Variants in WDR7 observed in about 807,000 individuals in gnomAD.
WDR7 encodes WD repeat domain 7.
WDR7 carries 46 observed loss-of-function variants against 169.4 expected under a neutral mutation model. The ratio of observed to expected loss-of-function variants is 0.27; its 90% CI spans 0.21 to 0.35. The LOEUF is 0.35. Ranked by LOEUF, WDR7 falls within the 10% of genes least tolerant of loss-of-function variation. WDR7 has a pLI of 1.00. For missense variants in WDR7, 1,534 were observed against 1,859.3 expected, an observed-to-expected ratio of 0.83 and a Z score of 3.22; for synonymous variants, 612 against 666.8, an observed-to-expected ratio of 0.92 and a Z score of 1.27.
At chr18:56,728,565 T>C (rs1296373840) in intron 13 of WDR7, among the ~76,000 whole-genome samples, 2 of 152,206 alleles carry the variant, frequency 1.3e-5, no homozygotes, top group Non-Finnish European at 2.9e-5. Context: ...TCTCCCCTTT[T>C]GGGATCTAGC....
chr18:56,992,515 C>T (rs1272004301), intron 26 of WDR7, among the ~76,000 whole-genome samples: 10 of 151,876 alleles, frequency 6.6e-5, no homozygotes, highest in Non-Finnish European at 1.3e-4. Flanking sequence ...TGAATTTTGG[C>T]CAAAAGTAGA....
intron 14 of WDR7, among the ~76,000 whole-genome samples, chr18:56,751,553 C>G (rs1397788992): frequency 6.6e-6 from 1 of 152,060 alleles, no homozygotes; most frequent in African/African-American, 2.4e-5. Context: ...TCCTTCATAC[C>G]CAGTGTCAGG....
intron 14 of WDR7, among the ~76,000 whole-genome samples, chr18:56,739,898 A>G (rs1326513993): frequency 2.2e-5 from 2 of 89,982 alleles, no homozygotes; most frequent in Non-Finnish European, 5.2e-5. Flanking sequence ...TTTTGTATTT[A>G]TACTGCTTGG....
intron 20 of WDR7, among the ~76,000 whole-genome samples, chr18:56,876,351 G>A (rs1021565452): frequency 1.3e-5 from 2 of 152,006 alleles, no homozygotes; most frequent in Non-Finnish European, 2.9e-5. Context: ...AGATGGCTCC[G>A]GGAGTTCACT....
rs556680550 is a variant in WDR7, at chr18:56,695,238, A to G, written c.1357+40A>G. ...TCCGTATGTCTAAAGTGTTTTGACA[A>G]CTCTTACCCAGAGAGTGAAAATGTC... On this transcript the variant is annotated intron_variant, in intron 11 of 27. Coordinates refer to ENST00000254442, the MANE Select transcript of WDR7 (RefSeq NM_015285.3). 24 of 1,582,562 alleles carry G rather than the reference A, an allele frequency of 1.5e-5. No homozygotes were observed. The African/African-American group carries it at 2.8e-4, about 19-fold the overall frequency.
At chr18:56,917,422 T>C (rs1157828221) in intron 21 of WDR7, among the ~76,000 whole-genome samples, 1 of 152,228 alleles carries the variant, frequency 6.6e-6, no homozygotes, top group Non-Finnish European at 1.5e-5. Context: ...TGTTTTCCTA[T>C]AACAGGCATT....
intron 13 of WDR7, among the ~76,000 whole-genome samples, chr18:56,726,946 A>G (rs1271288316): frequency 1.3e-5 from 2 of 152,118 alleles, no homozygotes; most frequent in African/African-American, 2.4e-5. Flanking sequence ...CACAGTAATC[A>G]GTACTCTGCC....
At chr18:56,651,630 C>CA (rs2024655860) in intron 1 of WDR7, 54 bp downstream of exon 1, 2 of 152,446 alleles carry the variant, frequency 1.3e-5, no homozygotes, top group African/African-American at 4.8e-5. Context: ...GATGTTCCTG[C>CA]ACCGTGGAGG....
At chr18:56,729,273 ATTTAC>A in intron 13 of WDR7, among the ~76,000 whole-genome samples, 1 of 152,300 alleles carries the variant, frequency 6.6e-6, no homozygotes, top group African/African-American at 2.4e-5. Flanking sequence ...ATTAACTTTA[ATTTAC>A]TTAAAATAAT....
chr18:57,022,876 A>G (rs1027056706), intron 27 of WDR7, among the ~76,000 whole-genome samples: 2 of 152,208 alleles, frequency 1.3e-5, no homozygotes, highest in African/African-American at 4.8e-5. Flanking sequence ...GCGCACTCAC[A>G]TCTGTGTGCC....
intron 21 of WDR7, among the ~76,000 whole-genome samples, chr18:56,895,454 A>C: frequency 6.8e-6 from 1 of 146,598 alleles, no homozygotes; most frequent in South Asian, 2.3e-4. Flanking sequence ...GGGGATAGGA[A>C]AAATTTGCTA....
At chr18:56,794,202 T>A (rs1174840134) in intron 19 of WDR7, among the ~76,000 whole-genome samples, 2 of 151,920 alleles carry the variant, frequency 1.3e-5, no homozygotes, top group African/African-American at 4.8e-5. Flanking sequence ...GTAATCTTAT[T>A]TTCTTTATCT....
At chr18:56,934,391 G>C (rs2046929905) in intron 22 of WDR7, among the ~76,000 whole-genome samples, 1 of 151,874 alleles carries the variant, frequency 6.6e-6, no homozygotes, top group Non-Finnish European at 1.5e-5. Context: ...AAGAGCATCG[G>C]GCTCTTCCAT....
intron 20 of WDR7, among the ~76,000 whole-genome samples, chr18:56,847,015 G>A (rs1235679836): frequency 1.3e-5 from 2 of 152,176 alleles, no homozygotes; most frequent in South Asian, 2.1e-4. Flanking sequence ...ACAGGCAGAC[G>A]TTGGAAGCAT....
chr18:56,826,255 C>T (rs150134332), intron 20 of WDR7, among the ~76,000 whole-genome samples: 235 of 152,228 alleles, frequency 1.5e-3, no homozygotes, highest in African/African-American at 5.3e-3. Context: ...CTCATATGAC[C>T]AAAAGTTGTA....
intron 27 of WDR7, among the ~76,000 whole-genome samples, chr18:57,024,511 GATTTCACATATCCCTATTCTCA>G (rs2048330813): frequency 2.1e-5 from 3 of 143,186 alleles, no homozygotes; most frequent in African/African-American, 7.7e-5. Flanking sequence ...TCCCTTACAG[GATTTCACATATCCCTATTCTCA>G]GACAGGAATA....
chr18:56,789,008 A>G (rs897845474), intron 19 of WDR7, among the ~76,000 whole-genome samples: 3 of 152,146 alleles, frequency 2.0e-5, no homozygotes, highest in African/African-American at 7.2e-5. Flanking sequence ...GGGACCTGAG[A>G]GATTTGTTCC....
chr18:56,816,710 G>A (rs904216612), intron 20 of WDR7, among the ~76,000 whole-genome samples: 3 of 148,492 alleles, frequency 2.0e-5, no homozygotes, highest in East Asian at 1.9e-4. Flanking sequence ...TGTTTAGCCC[G>A]TCTTTTTATA....
intron 12 of WDR7, among the ~76,000 whole-genome samples, chr18:56,707,674 C>G (rs1175724068): frequency 1.3e-5 from 2 of 152,012 alleles, no homozygotes; most frequent in East Asian, 1.9e-4. Flanking sequence ...CAACATGACC[C>G]CAGATGATCA....
Sources: allele counts gnomAD v4.1 joint callset (sites outside exome capture counted in the v4.1 genomes callset), GRCh38; gene constraint gnomAD v4.1.1; transcripts MANE v1.5; gene names NCBI Gene and HGNC (gene_info 2026-07-23, HGNC 2026-07-21).